The following CAPN13 variants were observed in gnomAD, a reference collection of about 807,000 sequenced individuals.
CAPN13 encodes calpain 13.
A neutral mutation model predicts 98.4 loss-of-function variants in CAPN13; 90 were observed. The ratio of observed to expected loss-of-function variants is 0.92; its 90% confidence interval spans 0.77 to 1.09. CAPN13 has a LOEUF of 1.09. Among genes scored for constraint, CAPN13 ranks in the 50% least tolerant of loss-of-function variants. The pLI is 0.00. For missense variants in CAPN13, 887 were observed against 841.3 expected, an observed-to-expected ratio of 1.05 and a Z score of -0.67; for synonymous variants, 330 against 305.5, an observed-to-expected ratio of 1.08 and a Z score of -0.84.
rs941860893 is a variant in CAPN13 at position 30,807,341 on chromosome 2, C to T, written c.-72G>A. 7.2e-5 allele frequency: 11 copies of T among 152,384 alleles called. No individual in the cohort carries two copies. Among genetic ancestry groups the T allele is most frequent in the East Asian group, 1.9e-4 (1 of 5,196 alleles). The allele number at this position is 152,384 out of a possible 1,614,324, so 9.4% of individuals were successfully genotyped here. On this transcript the variant is annotated 5_prime_UTR_variant, in exon 1 of 23. Transcript: ENST00000295055. ...GGTGTGTCTGATGGAGGAGGGGAGACGGGCAGGTTCCACAGGCTCTCAGGT... is the reference window on the plus strand; with the variant it reads ...GGTGTGTCTGATGGAGGAGGGGAGATGGGCAGGTTCCACAGGCTCTCAGGT...
chr2:30,726,685 T>C (rs1194397789), intron 22 of CAPN13, among the ~76,000 whole-genome samples: 1 of 152,078 alleles, frequency 6.6e-6, no homozygotes. Context: ...ACTTCTACAC[T>C]GAAAACTGTA....
intron 1 of CAPN13, among the ~76,000 whole-genome samples, chr2:30,806,420 CAACAACAAA>C (rs914881040): frequency 7.7e-6 from 1 of 130,174 alleles, no homozygotes; most frequent in Non-Finnish European, 1.7e-5. Context: ...ACAACAACAA[CAACAACAAA>C]AACCCACAAT....
At chr2:30,786,606 G>C (rs1211527376) in intron 2 of CAPN13, among the ~76,000 whole-genome samples, 1 of 152,178 alleles carries the variant, frequency 6.6e-6, no homozygotes, top group African/African-American at 2.4e-5. Flanking sequence ...TTCTCTTACA[G>C]GTGGTCGAGC....
At chr2:30,773,873 A>G (rs1246346018) in intron 4 of CAPN13, among the ~76,000 whole-genome samples, 1 of 152,240 alleles carries the variant, frequency 6.6e-6, no homozygotes, top group Non-Finnish European at 1.5e-5. Context: ...TGTAAAACTT[A>G]CAACCACTGG....
chr2:30,793,288 A>C (rs956941973), intron 1 of CAPN13, among the ~76,000 whole-genome samples: 2 of 151,682 alleles, frequency 1.3e-5, no homozygotes, highest in Non-Finnish European at 3.0e-5. Context: ...TACAAGGTTA[A>C]TATTAAAAAA....
At chr2:30,766,636 C>T (rs1445191884) in intron 5 of CAPN13, among the ~76,000 whole-genome samples, 1 of 152,198 alleles carries the variant, frequency 6.6e-6, no homozygotes, top group Non-Finnish European at 1.5e-5. Flanking sequence ...ACAGCCTTGT[C>T]CCCATCCCTC....
At chr2:30,763,249 G>A in intron 6 of CAPN13, 93 bp from the exon 7 acceptor site, 1 of 1,104,576 alleles carries the variant, frequency 9.1e-7, no homozygotes, top group Non-Finnish European at 1.3e-6. Flanking sequence ...GAGCCATCTG[G>A]GCCTCACTGA....
chr2:30,755,146 A>C, intron 8 of CAPN13, among the ~76,000 whole-genome samples: 1 of 149,488 alleles, frequency 6.7e-6, no homozygotes. Flanking sequence ...CCCAACTTTC[A>C]CCCTGATGCT....
Position 30,753,091 on chromosome 2 carries a change from A to G in CAPN13, c.1049T>C (p.Ile350Thr). 6.2e-7 allele frequency: 1 copy of G among 1,613,970 alleles called. No homozygotes were observed. Among genetic ancestry groups the G allele is most frequent in the Non-Finnish European group, 8.5e-7 (1 of 1,179,844 alleles). ...TAGAATCACTTGCTTCCTAAACATT[A>G]TTTGGGACCATCCTTCGTGGAGTGT... ...GNTLHEGWSQ[I>T]MFRKQVILGN... Residue 350 changes from isoleucine (I) to threonine (T), a missense_variant, in exon 10 of 23, where the codon ATA becomes ACA. By Grantham distance (89) the Ile-to-Thr change is moderately conservative. Coordinates refer to ENST00000295055, the MANE Select transcript of CAPN13 (RefSeq NM_144575.3).
intron 18 of CAPN13, among the ~76,000 whole-genome samples, chr2:30,735,582 G>A (rs190182085): frequency 6.6e-6 from 1 of 152,298 alleles, no homozygotes; most frequent in East Asian, 1.9e-4. Flanking sequence ...GGGAAAGATG[G>A]ATATGAGGGA....
At chr2:30,783,581 AC>A (rs1374929893) in intron 2 of CAPN13, among the ~76,000 whole-genome samples, 1 of 152,030 alleles carries the variant, frequency 6.6e-6, no homozygotes, top group Admixed American at 6.5e-5. Flanking sequence ...ATGACACAAA[AC>A]TTTTCTGCAC....
intron 2 of CAPN13, 53 bp from the exon 3 acceptor site, chr2:30,777,692 A>C: frequency 2.9e-6 from 4 of 1,363,388 alleles, no homozygotes; most frequent in Non-Finnish European, 3.1e-6. Flanking sequence ...TTTGTATCCC[A>C]AAGCGACATC....
At chr2:30,786,315 C>T (rs1040893838) in intron 2 of CAPN13, among the ~76,000 whole-genome samples, 1 of 152,160 alleles carries the variant, frequency 6.6e-6, no homozygotes, top group Non-Finnish European at 1.5e-5. Flanking sequence ...CTGGTGCCTA[C>T]AGAAGTGTGA....
chr2:30,758,474 A>C (rs1162986388), intron 7 of CAPN13, among the ~76,000 whole-genome samples: 1 of 152,196 alleles, frequency 6.6e-6, no homozygotes, highest in African/African-American at 2.4e-5. Flanking sequence ...CGGGCTGCAG[A>C]GAATTTTATG....
intron 14 of CAPN13, 135 bp downstream of exon 14, chr2:30,742,191 G>T: frequency 8.6e-7 from 1 of 1,156,902 alleles, no homozygotes; most frequent in Non-Finnish European, 1.2e-6. Flanking sequence ...GCCCCTTTGA[G>T]CCTTCATCGG....
chr2:30,790,407 G>A (rs1674540338), intron 1 of CAPN13, among the ~76,000 whole-genome samples: 1 of 152,194 alleles, frequency 6.6e-6, no homozygotes, highest in African/African-American at 2.4e-5. Flanking sequence ...CAGCTCTTGG[G>A]TGTTGCAAGA....
intron 14 of CAPN13, 106 bp from the exon 15 acceptor site, chr2:30,742,070 T>A: frequency 9.0e-7 from 1 of 1,112,312 alleles, no homozygotes; most frequent in Non-Finnish European, 1.3e-6. Context: ...GAAAGAGTCT[T>A]TATTGGGCAG....
rs530493735 is a variant in CAPN13 at position 30,764,601 on chromosome 2, C to G, written c.525-295G>C. 1.3e-4 allele frequency among the ~76,000 whole-genome samples: 20 copies of G among 152,274 alleles called. No individual in the cohort carries two copies. In the East Asian group the frequency reaches 3.5e-3, roughly 27 times the overall value. Reference sequence around the variant, plus strand: ...CCTGTGCTGGAGGCACAGGTTGAACCCCACCTTTGCCACGTATTTGGCTGC... The same window carrying G: ...CCTGTGCTGGAGGCACAGGTTGAACGCCACCTTTGCCACGTATTTGGCTGC... On this transcript the variant is annotated intron_variant, in intron 5 of 22. Transcript: ENST00000295055.
At position 30,755,271 on chromosome 2, in the gene CAPN13, T is replaced by C. The variant is rs545988352; in HGVS notation, c.867-907A>G. On this transcript the variant is annotated intron_variant, in intron 8 of 22. Coordinates refer to ENST00000295055, the MANE Select transcript of CAPN13 (RefSeq NM_144575.3). ...CCTTGCTTGGCCCCCAAATGCCCTC[T>C]ATTCCAGGTCTTTTGAGCTTCCATA... Among the ~76,000 whole-genome samples, 81 of 152,244 alleles carry C rather than the reference T, an allele frequency of 5.3e-4. No individual in the cohort carries two copies. The South Asian group carries it at 0.016, about 30-fold the overall frequency.
Sources: allele counts gnomAD v4.1 joint callset (sites outside exome capture counted in the v4.1 genomes callset), GRCh38; gene constraint gnomAD v4.1.1; transcripts MANE v1.5; gene names NCBI Gene and HGNC (gene_info 2026-07-23, HGNC 2026-07-21).